The following CLOCK variants were observed in gnomAD, a reference collection of about 807,000 sequenced individuals.
The protein encoded by CLOCK is clock circadian regulator.
CLOCK carries 43 observed loss-of-function variants against 118.4 expected under a neutral mutation model. The observed-to-expected ratio is 0.36, with a 90% CI of 0.28 to 0.47. CLOCK has a LOEUF of 0.47. Among genes scored for constraint, CLOCK ranks in the 20% least tolerant of loss-of-function variants. The probability of loss-of-function intolerance (pLI) is 1.00; values close to 1 mark genes in which losing one functional copy is unlikely to be tolerated. For synonymous variants in CLOCK, 326 were observed against 339.2 expected (o/e 0.96, Z 0.43); for missense variants, 846 against 999.9 (o/e 0.85, Z 2.08).
At chr4:55,519,206 T>C (rs994933110) in intron 1 of CLOCK, among the ~76,000 whole-genome samples, 17 of 152,036 alleles carry the variant, frequency 1.1e-4, no homozygotes, top group African/African-American at 4.1e-4. Flanking sequence ...CACAAACCAC[T>C]ATACCCAGCC....
intron 7 of CLOCK, among the ~76,000 whole-genome samples, chr4:55,475,520 A>G (rs67963898): frequency 0.25 from 37,498 of 152,122 alleles, 4,955 homozygotes; most frequent in South Asian, 0.37. Flanking sequence ...ACAGCACTGC[A>G]TGTTACAGAG....
chr4:55,442,325 G>C (rs1190526814), intron 21 of CLOCK, 107 bp downstream of exon 21: 2 of 890,930 alleles, frequency 2.2e-6, no homozygotes, highest in Non-Finnish European at 3.6e-6. Context: ...GCTGCAGTGA[G>C]CATCTCATTA....
chr4:55,444,132 A>C (rs1421861345), intron 19 of CLOCK, among the ~76,000 whole-genome samples: 1 of 152,174 alleles, frequency 6.6e-6, no homozygotes, highest in African/African-American at 2.4e-5. Context: ...TAGTCTGTGG[A>C]TTGACAGCTC....
intron 7 of CLOCK, among the ~76,000 whole-genome samples, chr4:55,471,931 A>G (rs967296023): frequency 2.0e-5 from 3 of 152,062 alleles, no homozygotes; most frequent in Non-Finnish European, 2.9e-5. Context: ...AAAATTAGCC[A>G]GGTGTGGTGG....
At chr4:55,519,925 G>A (rs148528634) in intron 1 of CLOCK, among the ~76,000 whole-genome samples, 129 of 152,304 alleles carry the variant, frequency 8.5e-4, no homozygotes, top group Admixed American at 1.4e-3. Context: ...TTGCCAGGAA[G>A]CTTCAGCATG....
chr4:55,513,893 A>C (rs961196062), intron 1 of CLOCK, among the ~76,000 whole-genome samples: 1 of 151,986 alleles, frequency 6.6e-6, no homozygotes, highest in African/African-American at 2.4e-5. Flanking sequence ...ATGTAATGGT[A>C]TTGTGTTTTT....
At chr4:55,524,013 T>C (rs1730009366) in intron 1 of CLOCK, among the ~76,000 whole-genome samples, 1 of 152,150 alleles carries the variant, frequency 6.6e-6, no homozygotes, top group East Asian at 1.9e-4. Context: ...TGTTATCCAG[T>C]AAATTTTGGC....
At chr4:55,464,161 T>A (rs1379216745) in intron 8 of CLOCK, among the ~76,000 whole-genome samples, 1 of 152,192 alleles carries the variant, frequency 6.6e-6, no homozygotes, top group Non-Finnish European at 1.5e-5. Context: ...TGGTGGTATA[T>A]CCTACTATAA....
At chr4:55,499,468 C>T (rs757898943) in intron 2 of CLOCK, among the ~76,000 whole-genome samples, 1 of 152,216 alleles carries the variant, frequency 6.6e-6, no homozygotes, top group Admixed American at 6.5e-5. Context: ...CAGATCATCA[C>T]ACTTGTTAAG....
intron 1 of CLOCK, among the ~76,000 whole-genome samples, chr4:55,543,416 A>C (rs1267596990): frequency 1.3e-5 from 2 of 152,194 alleles, no homozygotes; most frequent in African/African-American, 4.8e-5. Context: ...ATTCAAGATG[A>C]TTCCGTTTTC....
chr4:55,504,451 T>C (rs1419031713), intron 2 of CLOCK, among the ~76,000 whole-genome samples: 1 of 152,084 alleles, frequency 6.6e-6, no homozygotes, highest in Non-Finnish European at 1.5e-5. Flanking sequence ...TGCCTCAAAG[T>C]AAATGCTCAA....
Position 55,453,667 on chromosome 4 carries a change from G to C in CLOCK, c.1130+10C>G, listed in dbSNP as rs1481600244. The C allele has an allele frequency of 4.4e-6, 7 of 1,605,614 alleles. No homozygotes were observed. Among genetic ancestry groups the C allele is most frequent in the Non-Finnish European group, 6.0e-6 (7 of 1,173,974 alleles). ...ACAGTAATTCAGAAATTCTCTAAAAGAATTATTACCTTACTACAGTGTGAG... is the reference window on the plus strand; with the variant it reads ...ACAGTAATTCAGAAATTCTCTAAAACAATTATTACCTTACTACAGTGTGAG... On this transcript the variant is annotated intron_variant, in intron 14 of 22. Coordinates refer to ENST00000513440, the MANE Select transcript of CLOCK (RefSeq NM_004898.4).
At chr4:55,539,576 A>G in intron 1 of CLOCK, among the ~76,000 whole-genome samples, 1 of 25,178 alleles carries the variant, frequency 4.0e-5, no homozygotes. Flanking sequence ...TTGTCTCAAA[A>G]AAAAAAAAAA....
intron 21 of CLOCK, chr4:55,442,176 G>C: frequency 4.4e-6 from 2 of 458,614 alleles, no homozygotes; most frequent in Non-Finnish European, 7.9e-6. Flanking sequence ...TTTTCTAACA[G>C]TGTGCTGCAG....
At chr4:55,484,974 CTT>C (rs1193072680) in intron 3 of CLOCK, among the ~76,000 whole-genome samples, 1 of 151,620 alleles carries the variant, frequency 6.6e-6, no homozygotes, top group African/African-American at 2.4e-5. Context: ...CTCTCTCTCT[CTT>C]TTTTTGAGAC....
At chr4:55,468,283 T>A (rs1725874104) in intron 8 of CLOCK, among the ~76,000 whole-genome samples, 2 of 152,184 alleles carry the variant, frequency 1.3e-5, no homozygotes, top group South Asian at 4.1e-4. Context: ...GAGTAGTTTA[T>A]AAGTAACTTT....
intron 18 of CLOCK, 132 bp from the exon 19 acceptor site, chr4:55,444,917 G>GTTTCTA (rs1344906395): frequency 2.2e-6 from 2 of 917,708 alleles, no homozygotes; most frequent in African/African-American, 3.3e-5. Flanking sequence ...ATGTCCCTTA[G>GTTTCTA]TTTCTAATCC....
At chr4:55,447,006 A>G (rs1560419683) in intron 18 of CLOCK, among the ~76,000 whole-genome samples, 2 of 152,102 alleles carry the variant, frequency 1.3e-5, no homozygotes, top group Non-Finnish European at 2.9e-5. Flanking sequence ...TTGAGAAAAT[A>G]TTAAAAATTT....
Position 55,478,827 on chromosome 4 carries a change from G to A in CLOCK, c.244C>T (p.Arg82Ter). ...GTTAAAAATTTACCTTTATGTTTTC[G>A]TAAAAAATCAATGCTTTTCTGCAGA... ...TVLQKSIDFL[R>*]KHKEITAQSD... The change falls in exon 6 of 23, where the codon CGA becomes TGA. Residue 82 changes from arginine to a stop codon, truncating the protein, a stop_gained. Transcript: ENST00000513440. LOFTEE classifies it high-confidence loss of function. 7 of 1,612,250 alleles carry A rather than the reference G, an allele frequency of 4.3e-6. No individual in the cohort carries two copies. The highest frequency in any genetic ancestry group is 2.2e-5 in the East Asian group (1 of 44,706).
Sources: allele counts gnomAD v4.1 joint callset (sites outside exome capture counted in the v4.1 genomes callset), GRCh38; gene constraint gnomAD v4.1.1; transcripts MANE v1.5; gene names NCBI Gene and HGNC (gene_info 2026-07-23, HGNC 2026-07-21).